The following DAB1 variants were observed in gnomAD, a reference collection of about 807,000 sequenced individuals.
DAB1 encodes the protein disabled homolog 1.
DAB1 carries 15 observed loss-of-function variants against 64.6 expected under a neutral mutation model. That is an observed-to-expected ratio of 0.23 (90% CI 0.16 to 0.36). DAB1 has a LOEUF of 0.36. DAB1 is among the 10% of genes least tolerant of loss of function. The pLI, the probability that DAB1 is intolerant of heterozygous loss-of-function variation, is 1.00. For missense variants in DAB1, 596 were observed against 706.7 expected (o/e 0.84, Z 1.78); for synonymous variants, 235 against 251.9 (o/e 0.93, Z 0.64).
chr1:57,483,228 T>C (rs949109118), intron 7 of DAB1, among the ~76,000 whole-genome samples: 2 of 152,222 alleles, frequency 1.3e-5, no homozygotes, highest in African/African-American at 2.4e-5. Flanking sequence ...CTGATATGGT[T>C]TGGCTGTGTC....
At chr1:57,370,508 C>T (rs1336555337) in intron 1 of DAB1, among the ~76,000 whole-genome samples, 1 of 151,856 alleles carries the variant, frequency 6.6e-6, no homozygotes, top group African/African-American at 2.4e-5. Context: ...TGTAGGAAAA[C>T]CATCATCTAT....
intron 7 of DAB1, among the ~76,000 whole-genome samples, chr1:57,579,243 C>G (rs1326040217): frequency 3.9e-5 from 6 of 152,172 alleles, no homozygotes; most frequent in Admixed American, 3.3e-4. Flanking sequence ...GCAGGTTGTT[C>G]TCTTTTCCCT....
chr1:58,483,283 A>G (rs998793198), intron 3 of DAB1, among the ~76,000 whole-genome samples: 15 of 152,132 alleles, frequency 9.9e-5, no homozygotes, highest in Non-Finnish European at 2.1e-4. Flanking sequence ...AAGGAATTCC[A>G]TTATTCCAGA....
intron 9 of DAB1, among the ~76,000 whole-genome samples, chr1:57,039,121 G>A (rs966555581): frequency 2.0e-5 from 3 of 152,202 alleles, no homozygotes; most frequent in Non-Finnish European, 4.4e-5. Context: ...TAGATGTGGG[G>A]AACAGTAGTT....
chr1:57,891,485 T>C (rs371215946), intron 5 of DAB1, among the ~76,000 whole-genome samples: 1 of 152,214 alleles, frequency 6.6e-6, no homozygotes, highest in African/African-American at 2.4e-5. Flanking sequence ...AATTACCATT[T>C]GACCCAGCAA....
At chr1:58,435,796 C>T (rs1311131627) in intron 3 of DAB1, among the ~76,000 whole-genome samples, 1 of 152,244 alleles carries the variant, frequency 6.6e-6, no homozygotes, top group Non-Finnish European at 1.5e-5. Context: ...TCAGGCTTAA[C>T]TCAGTTAAAC....
At chr1:57,905,347 T>C (rs1364081381) in intron 5 of DAB1, among the ~76,000 whole-genome samples, 1 of 151,860 alleles carries the variant, frequency 6.6e-6, no homozygotes, top group African/African-American at 2.4e-5. Context: ...GTGAGGAAGG[T>C]TGCTGGTTTG....
upstream of DAB1, chr1:57,884,217 AAAG>A (rs1644189480): frequency 2.0e-5 from 3 of 152,338 alleles, no homozygotes; most frequent in Admixed American, 6.5e-5. Flanking sequence ...GAAAGAGGAT[AAAG>A]TACAATGGTC....
intron 7 of DAB1, among the ~76,000 whole-genome samples, chr1:57,644,527 A>G (rs1039664576): frequency 7.9e-5 from 12 of 151,894 alleles, no homozygotes; most frequent in Non-Finnish European, 1.8e-4. Flanking sequence ...TAGATGATGT[A>G]TATGTGCATG....
At chr1:57,143,139 C>T (rs1658775083) in intron 3 of DAB1, among the ~76,000 whole-genome samples, 1 of 152,152 alleles carries the variant, frequency 6.6e-6, no homozygotes, top group Non-Finnish European at 1.5e-5. Flanking sequence ...AGACTGCATT[C>T]TCATCTGATC....
At chr1:57,583,855 T>C (rs1018828802) in intron 7 of DAB1, among the ~76,000 whole-genome samples, 1 of 152,214 alleles carries the variant, frequency 6.6e-6, no homozygotes, top group Admixed American at 6.5e-5. Context: ...TTGGTTCTTC[T>C]CTGGAAATGC....
intron 4 of DAB1, among the ~76,000 whole-genome samples, chr1:58,214,695 G>A (rs1658746743): frequency 6.6e-6 from 1 of 152,190 alleles, no homozygotes; most frequent in African/African-American, 2.4e-5. Context: ...AAGCTTGCTA[G>A]CTTTCAGAAG....
intron 3 of DAB1, among the ~76,000 whole-genome samples, chr1:58,422,143 T>C (rs1644778516): frequency 1.3e-5 from 2 of 152,216 alleles, no homozygotes; most frequent in South Asian, 4.2e-4. Context: ...TCTGGTGATG[T>C]TGGGCAAGTT....
chr1:57,156,611 C>A (rs139767427), intron 2 of DAB1, among the ~76,000 whole-genome samples: 3 of 152,266 alleles, frequency 2.0e-5, no homozygotes, highest in Non-Finnish European at 2.9e-5. Flanking sequence ...AAAACCCCTC[C>A]CATACAGATC....
intron 7 of DAB1, among the ~76,000 whole-genome samples, chr1:57,462,987 G>A (rs1281775747): frequency 1.3e-5 from 2 of 152,094 alleles, no homozygotes; most frequent in Non-Finnish European, 1.5e-5. Flanking sequence ...AAATAGATTA[G>A]TAGGGAAGTA....
intron 6 of DAB1, among the ~76,000 whole-genome samples, chr1:57,735,609 GTTTT>G (rs59456674): frequency 2.1e-5 from 2 of 95,198 alleles, no homozygotes; most frequent in Non-Finnish European, 2.0e-5. Flanking sequence ...CTGTTTGCTT[GTTTT>G]TTTTTTTTTT....
chr1:57,139,492 G>A (rs1020598997), intron 3 of DAB1, among the ~76,000 whole-genome samples: 3 of 152,052 alleles, frequency 2.0e-5, no homozygotes, highest in South Asian at 2.1e-4. Flanking sequence ...CAGCACAAAC[G>A]GACTAAGAAG....
chr1:58,418,861 C>T (rs1431733935), intron 3 of DAB1, among the ~76,000 whole-genome samples: 1 of 152,128 alleles, frequency 6.6e-6, no homozygotes, highest in African/African-American at 2.4e-5. Context: ...GAGCCTGTTC[C>T]ACCATCTATC....
intron 5 of DAB1, among the ~76,000 whole-genome samples, chr1:58,027,832 A>G (rs1049439843): frequency 1.3e-5 from 2 of 152,230 alleles, no homozygotes; most frequent in Admixed American, 6.5e-5. Context: ...GTTTTCCAGA[A>G]TTCAGCCATA....
Sources: gnomAD v4.1 joint callset for allele counts (sites outside exome capture counted in the v4.1 genomes callset) on GRCh38, gnomAD v4.1.1 for gene constraint, MANE v1.5 for transcripts, NCBI Gene and HGNC (gene_info 2026-07-23, HGNC 2026-07-21) for gene names.